Variants in MBOAT1 observed in about 807,000 individuals in gnomAD.
MBOAT1 encodes membrane-bound glycerophospholipid O-acyltransferase 1.
Under a neutral mutation model 64.4 loss-of-function variants are expected in MBOAT1, and 67 were observed. That is an observed-to-expected ratio of 1.04 (90% confidence interval 0.85 to 1.27). The LOEUF is 1.27. Ranked by LOEUF, MBOAT1 falls within the 50% of genes most tolerant of loss-of-function variation. MBOAT1 has a pLI of 0.00. For synonymous variants in MBOAT1, 229 were observed against 218.9 expected (o/e 1.05, Z -0.41); for missense variants, 563 against 604.6 (o/e 0.93, Z 0.72).
chr6:20,178,119 ACCCC>A (rs1762402053), intron 1 of MBOAT1, among the ~76,000 whole-genome samples: 1 of 151,958 alleles, frequency 6.6e-6, no homozygotes. Context: ...TTATGTGTAA[ACCCC>A]TTAGCCCTAT....
At chr6:20,160,632 C>T (rs911898009) in intron 1 of MBOAT1, among the ~76,000 whole-genome samples, 4 of 152,136 alleles carry the variant, frequency 2.6e-5, no homozygotes, top group Non-Finnish European at 4.4e-5. Context: ...CAAGGCAAAA[C>T]CAATCAAGTT....
chr6:20,124,315 T>C (rs1156706580), intron 8 of MBOAT1, 93 bp downstream of exon 8: 60 of 1,326,054 alleles, frequency 4.5e-5, no homozygotes, highest in Non-Finnish European at 2.3e-5. Context: ...GTTGAGCTTC[T>C]TTGATGAAGT....
intron 1 of MBOAT1, among the ~76,000 whole-genome samples, chr6:20,180,103 A>G (rs1762469636): frequency 6.6e-6 from 1 of 152,136 alleles, no homozygotes; most frequent in Non-Finnish European, 1.5e-5. Flanking sequence ...GAACCGGAAA[A>G]AGGCAAGCCC....
rs761486506 is a variant in MBOAT1 at position 20,151,160 on chromosome 6, G to A, written c.323+25C>T. ...CACAAAAAAAAGAAAATCTCACCTT[G>A]CATTGTTCATTCCCAGTATCTTACC... is the stretch of plus-strand genomic sequence containing the variant. On this transcript the variant is annotated intron_variant, in intron 3 of 12. Coordinates refer to ENST00000324607, the MANE Select transcript of MBOAT1 (RefSeq NM_001080480.3). 8.5e-6 allele frequency: 13 copies of A among 1,531,392 alleles called. No homozygotes were observed. In the Admixed American group the frequency reaches 1.9e-4, roughly 22 times the overall value. The allele number at this position is 1,531,392 out of a possible 1,614,324, so 94.9% of individuals were successfully genotyped here. A position where few individuals can be genotyped will look rare whatever the true frequency, so the allele number is the denominator to read the frequency against.
chr6:20,180,404 G>A (rs958178689), intron 1 of MBOAT1, among the ~76,000 whole-genome samples: 2 of 151,890 alleles, frequency 1.3e-5, no homozygotes, highest in Non-Finnish European at 2.9e-5. Flanking sequence ...ATTACTTGCC[G>A]TTTTCCCCTC....
At chr6:20,204,221 CTG>C (rs750875692) in intron 1 of MBOAT1, among the ~76,000 whole-genome samples, 9 of 152,206 alleles carry the variant, frequency 5.9e-5, no homozygotes, top group Non-Finnish European at 5.9e-5. Flanking sequence ...TCCCCTAGCA[CTG>C]TCTCAGGAGA....
At chr6:20,188,583 C>G (rs1182927926) in intron 1 of MBOAT1, among the ~76,000 whole-genome samples, 1 of 152,080 alleles carries the variant, frequency 6.6e-6, no homozygotes, top group East Asian at 1.9e-4. Context: ...AAGAGGGTTG[C>G]CATTTTTACA....
At chr6:20,194,013 G>A (rs572879450) in intron 1 of MBOAT1, among the ~76,000 whole-genome samples, 5 of 152,202 alleles carry the variant, frequency 3.3e-5, no homozygotes, top group East Asian at 1.9e-4. Flanking sequence ...CAGTGTAACT[G>A]CATATGACCT....
chr6:20,100,783 C>T lies in MBOAT1; in HGVS notation c.*1503G>A, dbSNP rs1230999612. ...GTTGGATTTGAATAAATTTTCTTCTCCCAAGCAATCTGATTGGCAGTACAC... is the reference window on the plus strand; with the variant it reads ...GTTGGATTTGAATAAATTTTCTTCTTCCAAGCAATCTGATTGGCAGTACAC... On this transcript the variant is annotated 3_prime_UTR_variant, in exon 13 of 13. Transcript: ENST00000324607. Among the ~76,000 whole-genome samples the T allele has an allele frequency of 6.6e-6, 1 of 152,126 alleles. No individual in the cohort carries two copies. Among genetic ancestry groups the T allele is most frequent in the East Asian group, 1.9e-4 (1 of 5,192 alleles).
At chr6:20,143,484 ATAT>A (rs1761240133) in intron 4 of MBOAT1, among the ~76,000 whole-genome samples, 1 of 152,216 alleles carries the variant, frequency 6.6e-6, no homozygotes, top group Non-Finnish European at 1.5e-5. Context: ...AAGAATTTCT[ATAT>A]TATTAACTAG....
intron 3 of MBOAT1, among the ~76,000 whole-genome samples, chr6:20,144,998 T>G (rs1761289588): frequency 6.6e-6 from 1 of 152,140 alleles, no homozygotes; most frequent in Admixed American, 6.5e-5. Flanking sequence ...ACACTAGCAA[T>G]ACACACACAA....
At chr6:20,168,057 T>A (rs1488007214) in intron 1 of MBOAT1, among the ~76,000 whole-genome samples, 8 of 152,138 alleles carry the variant, frequency 5.3e-5, no homozygotes, top group Non-Finnish European at 1.2e-4. Flanking sequence ...TCCAACATAG[T>A]CAAAGAACGG....
At chr6:20,131,061 T>C in intron 5 of MBOAT1, 83 bp downstream of exon 5, 2 of 1,228,968 alleles carry the variant, frequency 1.6e-6, no homozygotes, top group Admixed American at 3.6e-5. Context: ...TGTCTAAACT[T>C]TGGACTGTGT....
chr6:20,194,717 G>C (rs1002773597), intron 1 of MBOAT1, among the ~76,000 whole-genome samples: 2 of 152,164 alleles, frequency 1.3e-5, no homozygotes, highest in Admixed American at 1.3e-4. Flanking sequence ...CTGTACTCTG[G>C]AGGGAAGTCA....
chr6:20,179,342 C>T (rs148021336), intron 1 of MBOAT1, among the ~76,000 whole-genome samples: 1 of 152,166 alleles, frequency 6.6e-6, no homozygotes, highest in East Asian at 1.9e-4. Context: ...GTGTGCTGTT[C>T]CCCCCAACCA....
chr6:20,113,712 T>G (rs748575439), intron 10 of MBOAT1, among the ~76,000 whole-genome samples: 1 of 151,848 alleles, frequency 6.6e-6, no homozygotes, highest in African/African-American at 2.4e-5. Context: ...TGACAGGGAA[T>G]TCCCCCCCAA....
At chr6:20,181,448 T>C (rs778919686) in intron 1 of MBOAT1, among the ~76,000 whole-genome samples, 2 of 152,224 alleles carry the variant, frequency 1.3e-5, no homozygotes, top group African/African-American at 2.4e-5. Flanking sequence ...TATTTTCTCC[T>C]GCTGGCCTTT....
chr6:20,152,743 A>C lies in MBOAT1; in HGVS notation c.126T>G (p.Val42=), dbSNP rs111402421. ...DQVNFVVCQL[V]ALFAAFWFRI... is the part of the protein sequence containing the mutation. ...GAAACCAGAAAGCAGCAAACAGAGCAACAAGCTGGCATACCACAAAATTCA... is the reference window on the plus strand; with the variant it reads ...GAAACCAGAAAGCAGCAAACAGAGCCACAAGCTGGCATACCACAAAATTCA... Residue 42 remains valine, a synonymous_variant, in exon 2 of 13, where the codon GTT becomes GTG. Coordinates refer to ENST00000324607, the MANE Select transcript of MBOAT1 (RefSeq NM_001080480.3). 14 of 1,612,350 alleles carry C rather than the reference A, an allele frequency of 8.7e-6. No individual in the cohort carries two copies. Among genetic ancestry groups the C allele is most frequent in the African/African-American group, 5.3e-5 (4 of 74,970 alleles).
intron 1 of MBOAT1, among the ~76,000 whole-genome samples, chr6:20,158,997 GA>G (rs1761772121): frequency 1.3e-5 from 2 of 152,302 alleles, no homozygotes; most frequent in East Asian, 3.9e-4. Context: ...AGCCATTATG[GA>G]AAACGGTATG....
Sources: allele counts gnomAD v4.1 joint callset (sites outside exome capture counted in the v4.1 genomes callset), GRCh38; gene constraint gnomAD v4.1.1; transcripts MANE v1.5; gene names NCBI Gene and HGNC (gene_info 2026-07-23, HGNC 2026-07-21).